BRWD1: variants seen among roughly 807,000 people sequenced by gnomAD.
The protein encoded by BRWD1 is bromodomain and WD repeat domain containing 1.
A neutral mutation model predicts 251.2 loss-of-function variants in BRWD1; 82 were observed. The observed-to-expected ratio is 0.33, with a 90% CI of 0.27 to 0.39. BRWD1 has a LOEUF of 0.39. Ranked by LOEUF, BRWD1 falls within the 10% of genes least tolerant of loss-of-function variation. BRWD1 has a pLI of 1.00. For synonymous variants in BRWD1, 918 were observed against 902.8 expected (o/e 1.02, Z -0.30); for missense variants, 2,233 against 2,711.6 (o/e 0.82, Z 3.92).
chr21:39,310,471 T>C (rs1346742815), intron 4 of BRWD1, among the ~76,000 whole-genome samples: 5 of 152,008 alleles, frequency 3.3e-5, no homozygotes, highest in Non-Finnish European at 7.4e-5. Context: ...AAACCCCATC[T>C]CTACTAAAAA....
At position 39,313,557 on chromosome 21, in the gene BRWD1, T is replaced by C; in HGVS notation, c.-66A>G. 8.0e-7 allele frequency: 1 copy of C among 1,248,720 alleles called. No individual in the cohort carries two copies. Among genetic ancestry groups the C allele is most frequent in the Non-Finnish European group, 1.0e-6 (1 of 988,798 alleles). The allele number at this position is 1,248,720 out of a possible 1,614,324, so 77.4% of individuals were successfully genotyped here. A position where few individuals can be genotyped will look rare whatever the true frequency, so the allele number is the denominator to read the frequency against. Reference sequence around the variant, plus strand: ...GGAGCGTGTAGGCCGCGCCGAGGCCTGACCGGGCTGGCGTCCCCTCTTCTC... The same window carrying C: ...GGAGCGTGTAGGCCGCGCCGAGGCCCGACCGGGCTGGCGTCCCCTCTTCTC... On this transcript the variant is annotated 5_prime_UTR_variant, in exon 1 of 41. Coordinates refer to ENST00000342449, the MANE Select transcript of BRWD1 (RefSeq NM_033656.4).
At position 39,187,541 on chromosome 21, in the gene BRWD1, A is replaced by C; in HGVS notation, c.*8718T>G. On this transcript the variant is annotated 3_prime_UTR_variant, in exon 41 of 41. Transcript: ENST00000342449. Reference sequence around the variant, plus strand: ...AATTTAAAAGTCATATTGCTAAATGATAAATTTTAAAATGTGATACTAAGG... The same window carrying C: ...AATTTAAAAGTCATATTGCTAAATGCTAAATTTTAAAATGTGATACTAAGG... 7.1e-7 allele frequency: 1 copy of C among 1,399,530 alleles called. No individual in the cohort carries two copies. The highest frequency in any genetic ancestry group is 9.2e-7 in the Non-Finnish European group (1 of 1,082,580). The allele number at this position is 1,399,530 out of a possible 1,614,324, so 86.7% of individuals were successfully genotyped here.
At chr21:39,285,877 A>C (rs994934364) in intron 8 of BRWD1, among the ~76,000 whole-genome samples, 2 of 150,474 alleles carry the variant, frequency 1.3e-5, no homozygotes, top group African/African-American at 4.9e-5. Context: ...TCAACAAAAA[A>C]AAAAAAAAAA....
rs745910547 is a variant in BRWD1, at chr21:39,196,466, A to T, written c.6603T>A (p.Thr2201=). The T allele has an allele frequency of 6.2e-7, 1 of 1,612,974 alleles. No homozygotes were observed. The stretch of plus-strand genomic sequence containing the variant: ...GTTTGCTTTGTCTTTGACGTCTCAC[A>T]GTTTTAGATATGTTAGCTGTAAAAG... The part of the protein sequence containing the change: ...GKTFTANISK[T]VRRQRQSKRP... The change falls in exon 41 of 41, where the codon ACT becomes ACA. Residue 2201 remains threonine, a synonymous_variant. Coordinates refer to ENST00000342449, the MANE Select transcript of BRWD1 (RefSeq NM_033656.4).
intron 4 of BRWD1, among the ~76,000 whole-genome samples, chr21:39,305,120 T>A (rs35769610): frequency 1.3e-5 from 2 of 151,756 alleles, no homozygotes; most frequent in African/African-American, 4.8e-5. Flanking sequence ...CCACCATGCC[T>A]GGCTAATTTT....
intron 10 of BRWD1, among the ~76,000 whole-genome samples, chr21:39,277,735 T>C (rs907991897): frequency 1.1e-4 from 16 of 152,048 alleles, no homozygotes; most frequent in Admixed American, 7.9e-4. Flanking sequence ...AGCTAATTTT[T>C]TGTATTTTTA....
intron 32 of BRWD1, among the ~76,000 whole-genome samples, chr21:39,214,117 G>T (rs566856380): frequency 1.7e-4 from 26 of 152,112 alleles, no homozygotes; most frequent in South Asian, 6.2e-4. Context: ...GAGTCTCCAA[G>T]ACTTAGGACA....
In BRWD1 at chr21:39,188,321, T is replaced by C; in HGVS notation, c.*7938A>G. On this transcript the variant is annotated 3_prime_UTR_variant, in exon 41 of 41. Coordinates refer to ENST00000342449, the MANE Select transcript of BRWD1 (RefSeq NM_033656.4). ...GCAGTTTGTTTTGTAGGACCCTGCC[T>C]GAAGTTTCCAGACATTTAGCATTCA... is the stretch of plus-strand genomic sequence containing the variant. The C allele has an allele frequency of 1.0e-6, 1 of 985,386 alleles. No individual in the cohort carries two copies. The highest frequency in any genetic ancestry group is 4.7e-5 in the South Asian group (1 of 21,288). 61.0% of individuals were successfully genotyped at this position (985,386 alleles called of 1,614,324 possible). A position where few individuals can be genotyped will look rare whatever the true frequency, so the allele number is the denominator to read the frequency against.
chr21:39,247,878 G>A, intron 20 of BRWD1, 46 bp from the exon 21 acceptor site: 1 of 1,501,178 alleles, frequency 6.7e-7, no homozygotes, highest in Non-Finnish European at 8.9e-7. Flanking sequence ...ACCTAAATAA[G>A]GACAATATCA....
chr21:39,288,577 C>G (rs1354159721), intron 8 of BRWD1, among the ~76,000 whole-genome samples: 1 of 152,140 alleles, frequency 6.6e-6, no homozygotes, highest in Non-Finnish European at 1.5e-5. Flanking sequence ...CCAAACCCCC[C>G]CAGGCAGTTG....
intron 21 of BRWD1, among the ~76,000 whole-genome samples, chr21:39,243,671 G>A (rs921943562): frequency 6.6e-6 from 1 of 151,676 alleles, no homozygotes; most frequent in Non-Finnish European, 1.5e-5. Context: ...GGCTGGTCTC[G>A]AACTCCTGGG....
At chr21:39,306,501 G>T (rs1009466429) in intron 4 of BRWD1, among the ~76,000 whole-genome samples, 3 of 152,130 alleles carry the variant, frequency 2.0e-5, no homozygotes, top group African/African-American at 7.2e-5. Flanking sequence ...CTAAGAATTC[G>T]GAAGGACTAG....
At chr21:39,231,761 T>C (rs927474344) in intron 25 of BRWD1, among the ~76,000 whole-genome samples, 11 of 152,236 alleles carry the variant, frequency 7.2e-5, no homozygotes, top group Non-Finnish European at 1.5e-4. Context: ...AATCACAAAA[T>C]TGGCTAAGTA....
chr21:39,286,016 C>T (rs1261725002), intron 8 of BRWD1, among the ~76,000 whole-genome samples: 18 of 104,766 alleles, frequency 1.7e-4, no homozygotes, highest in African/African-American at 2.3e-4. Flanking sequence ...ACCATATGAA[C>T]TTTTTTTTTT....
At chr21:39,263,134 T>C (rs1385665459) in intron 17 of BRWD1, among the ~76,000 whole-genome samples, 3 of 152,156 alleles carry the variant, frequency 2.0e-5, no homozygotes, top group Non-Finnish European at 4.4e-5. Flanking sequence ...ACTTGAATTG[T>C]ACACTTAAAA....
chr21:39,272,301 T>TA (rs746781112), intron 13 of BRWD1, among the ~76,000 whole-genome samples: 5,232 of 104,132 alleles, frequency 0.05, 334 homozygotes, highest in African/African-American at 0.16. Context: ...CCCTAAAACT[T>TA]AAATAAATAA....
At chr21:39,291,184 T>C (rs928050910) in intron 8 of BRWD1, among the ~76,000 whole-genome samples, 4 of 152,164 alleles carry the variant, frequency 2.6e-5, no homozygotes, top group African/African-American at 9.7e-5. Context: ...TCTCTTTTCT[T>C]TGAGAATACT....
Position 39,186,901 on chromosome 21 carries a change from G to T in BRWD1, c.*9358C>A. The T allele has an allele frequency of 2.1e-6, 3 of 1,461,324 alleles. No homozygotes were observed. Among genetic ancestry groups the T allele is most frequent in the Non-Finnish European group, 1.8e-6 (2 of 1,104,994 alleles). 90.5% of individuals were successfully genotyped at this position (1,461,324 alleles called of 1,614,324 possible). A position where few individuals can be genotyped will look rare whatever the true frequency, so the allele number is the denominator to read the frequency against. On this transcript the variant is annotated 3_prime_UTR_variant, in exon 41 of 41. Transcript: ENST00000342449. The stretch of plus-strand genomic sequence containing the variant: ...ACTGGGAGGAACCCACTGGATTATG[G>T]CTTTTAGAAAATTCCTCCAAAGATG...
At position 39,301,893 on chromosome 21, in the gene BRWD1, GAAAAA is replaced by G. The variant is rs1555877780; in HGVS notation, c.199-3316_199-3312del. ...GGCAGTAGAACATCTTTACTGTGCCGAAAAAAAAAAAAAAAGGACTATGAATCAGA... is the reference window on the plus strand; with the variant it reads ...GGCAGTAGAACATCTTTACTGTGCCGAAAAAAAAAAGGACTATGAATCAGA... On this transcript the variant is annotated intron_variant, in intron 4 of 40. Coordinates refer to ENST00000342449, the MANE Select transcript of BRWD1 (RefSeq NM_033656.4). Among the ~76,000 whole-genome samples the G allele has an allele frequency of 9.5e-4, 54 of 56,804 alleles. 1 individual carries two copies. Among genetic ancestry groups the G allele is most frequent in the Non-Finnish European group, 1.4e-3 (28 of 20,010 alleles). 37.3% of individuals were successfully genotyped at this position (56,804 alleles called of 152,430 possible). A position where few individuals can be genotyped will look rare whatever the true frequency, so the allele number is the denominator to read the frequency against.
Sources: allele counts gnomAD v4.1 joint callset (sites outside exome capture counted in the v4.1 genomes callset), GRCh38; gene constraint gnomAD v4.1.1; transcripts MANE v1.5; gene names NCBI Gene and HGNC (gene_info 2026-07-23, HGNC 2026-07-21).